The following NPC2 variants were observed in gnomAD, a reference collection of about 807,000 sequenced individuals.
NPC2 encodes NPC intracellular cholesterol transporter 2.
NPC2 carries 14 observed loss-of-function variants against 17.0 expected under a neutral mutation model. The observed-to-expected ratio is 0.82, with a 90% CI of 0.54 to 1.29. NPC2 has a LOEUF of 1.29. NPC2 is among the 50% of genes most tolerant of loss of function. NPC2 has a pLI of 0.00. For synonymous variants in NPC2, 75 were observed against 69.3 expected, an observed-to-expected ratio of 1.08 and a Z score of -0.41; for missense variants, 167 against 183.4, an observed-to-expected ratio of 0.91 and a Z score of 0.52.
chr14:74,489,552 GTC>G (rs1425698296), intron 1 of NPC2, among the ~76,000 whole-genome samples: 1 of 137,588 alleles, frequency 7.3e-6, no homozygotes, highest in African/African-American at 2.7e-5. Flanking sequence ...GTGTGTGTGT[GTC>G]TGTGTGTGTA....
At chr14:74,483,992 T>G (rs978682525) in intron 3 of NPC2, among the ~76,000 whole-genome samples, 1 of 152,212 alleles carries the variant, frequency 6.6e-6, no homozygotes, top group Non-Finnish European at 1.5e-5. Context: ...TAATTGAAAT[T>G]GTGCATAATG....
chr14:74,489,099 T>C (rs1482311306), intron 1 of NPC2, among the ~76,000 whole-genome samples: 10 of 152,222 alleles, frequency 6.6e-5, no homozygotes. Context: ...GGTTAAGGTC[T>C]TTATAGTTTC....
At chr14:74,486,026 G>C (rs1246384030) in intron 2 of NPC2, among the ~76,000 whole-genome samples, 1 of 152,166 alleles carries the variant, frequency 6.6e-6, no homozygotes, top group Non-Finnish European at 1.5e-5. Flanking sequence ...GCTAAACAGA[G>C]CTGACATTCC....
chr14:74,492,315 C>T (rs1436671935), intron 1 of NPC2, among the ~76,000 whole-genome samples: 1 of 152,194 alleles, frequency 6.6e-6, no homozygotes, highest in African/African-American at 2.4e-5. Flanking sequence ...CTAGGCAATG[C>T]GCAAGGTGAA....
In NPC2 at chr14:74,480,389, C is replaced by A. The variant is rs10220503; in HGVS notation, c.442-101G>T. Reference sequence around the variant, plus strand: ...CAAGTTATCAGACATTCCTAAGCAACCTCCTTCAGGTCCTGTCTGGCTGGA... The same window carrying A: ...CAAGTTATCAGACATTCCTAAGCAAACTCCTTCAGGTCCTGTCTGGCTGGA... On this transcript the variant is annotated intron_variant, in intron 4 of 4. Transcript: ENST00000555619. 2,580 of 1,043,482 alleles carry A rather than the reference C, an allele frequency of 2.5e-3. 53 individuals are homozygous for A. The African/African-American group carries it at 0.036, about 15-fold the overall frequency. The allele number at this position is 1,043,482 out of a possible 1,614,324, so 64.6% of individuals were successfully genotyped here. A position where few individuals can be genotyped will look rare whatever the true frequency, so the allele number is the denominator to read the frequency against.
chr14:74,484,307 C>T (rs1184263200), intron 3 of NPC2, 108 bp downstream of exon 3: 1 of 1,188,494 alleles, frequency 8.4e-7, no homozygotes, highest in Non-Finnish European at 1.3e-6. Flanking sequence ...TCTTCTTCAT[C>T]ATAGAGATAA....
chr14:74,484,009 A>G (rs2086682588), intron 3 of NPC2, among the ~76,000 whole-genome samples: 1 of 152,178 alleles, frequency 6.6e-6, no homozygotes, highest in Non-Finnish European at 1.5e-5. Context: ...AATGCTTTGG[A>G]AAAATGGGTC....
At chr14:74,483,314 G>C (rs1765758823) in intron 3 of NPC2, 1 of 1,258,234 alleles carries the variant, frequency 7.9e-7, no homozygotes, top group Non-Finnish European at 1.2e-6. Context: ...ATGTGACCTG[G>C]AAGATGAGTG....
chr14:74,484,628 C>T (rs1388404569), intron 2 of NPC2, 41 bp from the exon 3 acceptor site: 1 of 1,604,738 alleles, frequency 6.2e-7, no homozygotes. Flanking sequence ...AGAAAATAAC[C>T]TATTTTCAAA....
chr14:74,480,220 T>C lies in NPC2; in HGVS notation c.*54A>G, dbSNP rs2086640868. On this transcript the variant is annotated 3_prime_UTR_variant, in exon 5 of 5. Coordinates refer to ENST00000555619, the MANE Select transcript of NPC2 (RefSeq NM_006432.5). ...GTTGAAGCAGCAGAGCTGGAGGTGC[T>C]GTCAAGAGTCTCAGCAGACTCATTG... 1.2e-6 allele frequency: 2 copies of C among 1,614,014 alleles called. No individual in the cohort carries two copies. The highest frequency in any genetic ancestry group is 1.7e-5 in the Admixed American group (1 of 60,006).
intron 3 of NPC2, among the ~76,000 whole-genome samples, chr14:74,483,609 G>A (rs2086677496): frequency 1.3e-5 from 2 of 152,208 alleles, no homozygotes; most frequent in South Asian, 4.1e-4. Context: ...TAAATTTGAA[G>A]AGGCTTCTCC....
intron 2 of NPC2, among the ~76,000 whole-genome samples, chr14:74,486,086 C>T (rs1296339081): frequency 1.3e-5 from 2 of 152,178 alleles, no homozygotes; most frequent in Non-Finnish European, 2.9e-5. Context: ...GCCAAGCTGT[C>T]TTCTCTAACC....
chr14:74,489,094 A>C (rs1157055594), intron 1 of NPC2, among the ~76,000 whole-genome samples: 4 of 152,252 alleles, frequency 2.6e-5, no homozygotes, highest in Non-Finnish European at 5.9e-5. Context: ...ACAGAGGTTA[A>C]GGTCTTTATA....
intron 3 of NPC2, among the ~76,000 whole-genome samples, chr14:74,482,692 C>A (rs1325220025): frequency 6.6e-6 from 1 of 152,144 alleles, no homozygotes; most frequent in Non-Finnish European, 1.5e-5. Context: ...CAGCTCAAAA[C>A]CTGGGCTCCA....
chr14:74,482,327 T>C (rs2086664233), intron 3 of NPC2, among the ~76,000 whole-genome samples: 1 of 152,244 alleles, frequency 6.6e-6, no homozygotes, highest in African/African-American at 2.4e-5. Flanking sequence ...GAAATGCGGC[T>C]CTTTTTCTTC....
chr14:74,491,610 A>G (rs2086774946), intron 1 of NPC2, among the ~76,000 whole-genome samples: 1 of 152,178 alleles, frequency 6.6e-6, no homozygotes, highest in Non-Finnish European at 1.5e-5. Flanking sequence ...AAAGATTTCC[A>G]TCTATGTTTT....
At position 74,485,294 on chromosome 14, in the gene NPC2, C is replaced by CAAAAA. The variant is rs61395005; in HGVS notation, c.191-712_191-708dup. ...TGGGTGACAGAGCGAGACTCTGTCA[C>CAAAAA]AAAAAAAAAAAAAAAAAAAAAAAAA... On this transcript the variant is annotated intron_variant, in intron 2 of 4. Transcript: ENST00000555619. Among the ~76,000 whole-genome samples, 523 of 71,312 alleles carry CAAAAA rather than the reference C, an allele frequency of 7.3e-3. 25 individuals are homozygous for CAAAAA. The highest frequency in any genetic ancestry group is 0.017 in the Middle Eastern group (2 of 116). The allele number at this position is 71,312 out of a possible 152,430, so 46.8% of individuals were successfully genotyped here.
intron 1 of NPC2, among the ~76,000 whole-genome samples, chr14:74,492,811 T>C (rs1010133958): frequency 6.6e-6 from 1 of 151,454 alleles, no homozygotes; most frequent in African/African-American, 2.4e-5. Flanking sequence ...GCAAAAGGAG[T>C]TGGAAGGGGG....
chr14:74,486,497 C>T, intron 1 of NPC2, 61 bp from the exon 2 acceptor site: 2 of 1,358,996 alleles, frequency 1.5e-6, no homozygotes, highest in East Asian at 2.5e-5. Flanking sequence ...AGCTAGGCTG[C>T]CCACCACCTA....
Sources: gnomAD v4.1 joint callset for allele counts (sites outside exome capture counted in the v4.1 genomes callset) on GRCh38, gnomAD v4.1.1 for gene constraint, MANE v1.5 for transcripts, NCBI Gene and HGNC (gene_info 2026-07-23, HGNC 2026-07-21) for gene names.